The following TAB2 variants were observed in gnomAD, a reference collection of about 807,000 sequenced individuals.
TAB2 encodes TGF-beta activated kinase 1 (MAP3K7) binding protein 2, also known as TGF-beta-activated kinase 1 and MAP3K7-binding protein 2.
A neutral mutation model predicts 65.0 loss-of-function variants in TAB2; 3 were observed. That is an observed-to-expected ratio of 0.05 (90% confidence interval 0.02 to 0.12). TAB2 has a LOEUF of 0.12. TAB2 is among the 10% of genes least tolerant of loss of function. TAB2 has a pLI of 1.00. For missense variants in TAB2, 623 were observed against 840.3 expected (o/e 0.74, Z 3.20); for synonymous variants, 298 against 285.1 (o/e 1.05, Z -0.46).
chr6:149,271,990 C>T (rs61649969), intron 1 of TAB2, among the ~76,000 whole-genome samples: 1,697 of 152,114 alleles, frequency 0.011, 27 homozygotes, highest in African/African-American at 0.039. Context: ...CAGTCCCTAG[C>T]CCCACCCCCA....
chr6:149,254,499 A>C (rs1372806907), intron 1 of TAB2, among the ~76,000 whole-genome samples: 2 of 152,194 alleles, frequency 1.3e-5, no homozygotes, highest in Non-Finnish European at 2.9e-5. Context: ...TCCAACTTTA[A>C]CAGGCAACTA....
chr6:149,403,267 T>TATATATATACACAC (rs1782519550), intron 6 of TAB2, among the ~76,000 whole-genome samples: 1 of 48,484 alleles, frequency 2.1e-5, no homozygotes, highest in African/African-American at 1.2e-4. Flanking sequence ...TATATATATA[T>TATATATATACACAC]ATATATATAT....
At chr6:149,344,047 A>G (rs898298268) in intron 1 of TAB2, among the ~76,000 whole-genome samples, 1 of 152,174 alleles carries the variant, frequency 6.6e-6, no homozygotes, top group African/African-American at 2.4e-5. Flanking sequence ...AATGAATTTA[A>G]TGTCTGGCAA....
In TAB2 at chr6:149,309,229, CTATT is replaced by C. The variant is rs530970139; in HGVS notation, c.-120-68785_-120-68782del. 1.8e-3 allele frequency among the ~76,000 whole-genome samples: 278 copies of C among 152,204 alleles called. 2 individuals are homozygous for C. Among genetic ancestry groups the C allele is most frequent in the African/African-American group, 6.4e-3 (266 of 41,490 alleles). On this transcript the variant is annotated intron_variant, in intron 1 of 1. Coordinates refer to the TAB2 transcript ENST00000606202. ...AAGATTATGACAATCATAGCAACAA[CTATT>C]TATGTGATACTTCATGTGCAAAGCC...
intron 1 of TAB2, among the ~76,000 whole-genome samples, chr6:149,357,430 A>ACAAAAAAAACACACACAC (rs1554261743): frequency 1.8e-5 from 2 of 111,146 alleles, no homozygotes; most frequent in African/African-American, 6.9e-5. Flanking sequence ...AGAAAAAAAA[A>ACAAAAAAAACACACACAC]ACACACACAC....
chr6:149,378,177 T>G lies in TAB2; in HGVS notation c.262T>G (p.Tyr88Asp), dbSNP rs1781468776. 1.2e-6 allele frequency: 2 copies of G among 1,614,206 alleles called. No homozygotes were observed. Among genetic ancestry groups the G allele is most frequent in the Non-Finnish European group, 1.7e-6 (2 of 1,180,046 alleles). The change falls in exon 3 of 7, where the codon TAC becomes GAC. Residue 88 changes from tyrosine to aspartate, a missense_variant. This residue lies in a region of TAB2 where 550 missense variants were observed against 665.7 expected (regional missense o/e 0.83). Transcript: ENST00000637181. Reference sequence around the variant, plus strand: ...CTTGGACTTGCAATCACAGAACATTTACCACCATGGAAGAGAAGGAAGTAG... The same window carrying G: ...CTTGGACTTGCAATCACAGAACATTGACCACCATGGAAGAGAAGGAAGTAG... The part of the protein sequence containing the change: ...LNLDLQSQNI[Y>D]HHGREGSRMN...
chr6:149,298,754 T>C (rs190625449), intron 1 of TAB2, among the ~76,000 whole-genome samples: 84 of 152,320 alleles, frequency 5.5e-4, no homozygotes, highest in Non-Finnish European at 9.4e-4. Context: ...ATGTGGAAGA[T>C]ATTTTACAAA....
intron 3 of TAB2, among the ~76,000 whole-genome samples, chr6:149,387,973 G>A (rs7740647): frequency 0.043 from 6,488 of 152,206 alleles, 476 homozygotes; most frequent in African/African-American, 0.15. Flanking sequence ...AAATCCTTGT[G>A]TACACATAAT....
chr6:149,388,092 G>A lies in TAB2; in HGVS notation c.1603+8574G>A, dbSNP rs1234274449. Reference sequence around the variant, plus strand: ...TTTGATAGATGTATCATTTAGGCTTGGTTATGTTGCAGTAACAAACCATGT... The same window carrying A: ...TTTGATAGATGTATCATTTAGGCTTAGTTATGTTGCAGTAACAAACCATGT... On this transcript the variant is annotated intron_variant, in intron 3 of 6. Coordinates refer to ENST00000637181, the MANE Select transcript of TAB2 (RefSeq NM_001292034.3). Among the ~76,000 whole-genome samples the A allele has an allele frequency of 1.3e-5, 2 of 152,136 alleles. 1 individual carries two copies. Among genetic ancestry groups the A allele is most frequent in the African/African-American group, 4.8e-5 (2 of 41,426 alleles).
intron 1 of TAB2, among the ~76,000 whole-genome samples, chr6:149,238,432 G>T (rs145133469): frequency 6.6e-6 from 1 of 152,080 alleles, no homozygotes; most frequent in Non-Finnish European, 1.5e-5. Flanking sequence ...CCAAATCGGG[G>T]TACATCTCCA....
intron 1 of TAB2, among the ~76,000 whole-genome samples, chr6:149,312,346 G>A (rs1387961610): frequency 6.6e-6 from 1 of 151,936 alleles, no homozygotes; most frequent in African/African-American, 2.4e-5. Flanking sequence ...CTTTCCATGT[G>A]CTTTTTTTTA....
chr6:149,313,287 A>C (rs1053113289), upstream of TAB2, among the ~76,000 whole-genome samples: 4 of 151,724 alleles, frequency 2.6e-5, no homozygotes, highest in Non-Finnish European at 5.9e-5. Context: ...CCTCAGCCTC[A>C]TGAGATCCTC....
chr6:149,309,194 T>G (rs1219286781), intron 1 of TAB2, among the ~76,000 whole-genome samples: 1 of 152,208 alleles, frequency 6.6e-6, no homozygotes, highest in African/African-American at 2.4e-5. Flanking sequence ...AGTCATATAC[T>G]TCACATATCA....
chr6:149,295,349 G>A (rs1001668815), intron 1 of TAB2, among the ~76,000 whole-genome samples: 8 of 151,950 alleles, frequency 5.3e-5, no homozygotes, highest in Admixed American at 6.6e-5. Flanking sequence ...TTGGTTTTTC[G>A]TTTTGTTTTG....
At position 149,288,854 on chromosome 6, in the gene TAB2, A is replaced by ATT. The variant is rs71007938; in HGVS notation, c.-121+70098_-121+70099dup. ...CCAGAGTGATTTTTTTTAATTTTTAATTTTTTTTTTTTTTTTTTTTTGAGA... is the reference window on the plus strand; with the variant it reads ...CCAGAGTGATTTTTTTTAATTTTTAATTTTTTTTTTTTTTTTTTTTTTTGAGA... On this transcript the variant is annotated intron_variant, in intron 1 of 1. Coordinates refer to the TAB2 transcript ENST00000606202. Among the ~76,000 whole-genome samples the ATT allele has an allele frequency of 8.6e-3, 997 of 115,348 alleles. 21 individuals are homozygous for ATT. The highest frequency in any genetic ancestry group is 0.031 in the African/African-American group (883 of 28,146). The allele number at this position is 115,348 out of a possible 152,430, so 75.7% of individuals were successfully genotyped here. A position where few individuals can be genotyped will look rare whatever the true frequency, so the allele number is the denominator to read the frequency against.
intron 1 of TAB2, among the ~76,000 whole-genome samples, chr6:149,270,342 G>T (rs529551671): frequency 6.6e-6 from 1 of 152,184 alleles, no homozygotes; most frequent in African/African-American, 2.4e-5. Context: ...TTCTTTATCA[G>T]ATATATGTTT....
intron 1 of TAB2, among the ~76,000 whole-genome samples, chr6:149,254,128 G>GGGAAA (rs375790132): frequency 7.8e-5 from 11 of 141,906 alleles, no homozygotes; most frequent in Non-Finnish European, 1.2e-4. Context: ...GGGAAGGGAA[G>GGGAAA]GGAAAGGAAA....
At chr6:149,258,811 A>G (rs1214826917) in intron 1 of TAB2, among the ~76,000 whole-genome samples, 2 of 152,236 alleles carry the variant, frequency 1.3e-5, no homozygotes, top group African/African-American at 4.8e-5. Flanking sequence ...ATTAAGGTTG[A>G]AGGTGGAAGC....
chr6:149,304,896 A>C (rs1779034519), intron 1 of TAB2, among the ~76,000 whole-genome samples: 2 of 152,190 alleles, frequency 1.3e-5, no homozygotes, highest in African/African-American at 4.8e-5. Flanking sequence ...CATATCACAC[A>C]CATCTTCTCA....
Sources: allele counts gnomAD v4.1 joint callset (sites outside exome capture counted in the v4.1 genomes callset), GRCh38; gene constraint gnomAD v4.1.1; regional missense constraint gnomAD v4.1.1; transcripts MANE v1.5; gene names NCBI Gene and HGNC (gene_info 2026-07-23, HGNC 2026-07-21).